The following MILR1 variants were observed in gnomAD, a reference collection of about 807,000 sequenced individuals.
MILR1 encodes the protein mast cell immunoglobulin like receptor 1, also known as allergin-1.
MILR1 carries 31 observed loss-of-function variants against 18.5 expected under a neutral mutation model. The observed-to-expected ratio is 1.68, with a 90% CI of 1.26 to 2.26. The LOEUF is 2.26. Ranked by LOEUF, MILR1 falls within the 30% of genes most tolerant of loss-of-function variation. MILR1 has a pLI of 0.00. For missense variants in MILR1, 257 were observed against 157.4 expected, an observed-to-expected ratio of 1.63 and a Z score of -3.38; for synonymous variants, 85 against 56.2, an observed-to-expected ratio of 1.51 and a Z score of -2.30.
chr17:64,485,685 T>C, the MILR1 span: 6 of 1,511,400 alleles, frequency 4.0e-6, no homozygotes, highest in Non-Finnish European at 5.5e-6. Flanking sequence ...AACAAACCCA[T>C]ATTTTTAGTT....
intron 3 of MILR1, among the ~76,000 whole-genome samples, chr17:64,455,175 A>G (rs9889615): frequency 0.052 from 7,974 of 152,288 alleles, 741 homozygotes; most frequent in African/African-American, 0.18. Context: ...TGCTGCACTC[A>G]GCAATAAGCC....
the MILR1 span, among the ~76,000 whole-genome samples, chr17:64,494,533 T>C: frequency 6.6e-6 from 1 of 152,158 alleles, no homozygotes; most frequent in African/African-American, 2.4e-5. Flanking sequence ...TCCTTCTACA[T>C]TTATTCCATA....
the MILR1 span, chr17:64,491,644 G>T: frequency 6.9e-7 from 1 of 1,440,148 alleles, no homozygotes; most frequent in Non-Finnish European, 9.7e-7. Flanking sequence ...TTTCAAAGAG[G>T]TTACTACTGG....
At chr17:64,489,387 A>G in the MILR1 span, among the ~76,000 whole-genome samples, 1 of 151,922 alleles carries the variant, frequency 6.6e-6, no homozygotes, top group Non-Finnish European at 1.5e-5. Context: ...GGAAGGGGAA[A>G]AAAACACCAT....
At chr17:64,471,397 C>T (rs1473636867), downstream of MILR1, among the ~76,000 whole-genome samples, 10 of 152,094 alleles carry the variant, frequency 6.6e-5, no homozygotes, top group African/African-American at 9.7e-5. Flanking sequence ...CCCCAGAAAG[C>T]GACACCTCCC....
At chr17:64,451,203 G>A (rs894302613) in intron 2 of MILR1, among the ~76,000 whole-genome samples, 1 of 151,800 alleles carries the variant, frequency 6.6e-6, no homozygotes, top group Non-Finnish European at 1.5e-5. Flanking sequence ...GAGTGCAGTG[G>A]TGCGATCTTA....
the MILR1 span, among the ~76,000 whole-genome samples, chr17:64,488,660 T>G: frequency 1.2e-4 from 19 of 152,338 alleles, no homozygotes; most frequent in Non-Finnish European, 2.6e-4. Flanking sequence ...TAAGTTTCAT[T>G]TGAGAGCTGA....
chr17:64,497,179 C>CTCT, the MILR1 span: 1 of 624,972 alleles, frequency 1.6e-6, no homozygotes, highest in East Asian at 2.7e-5. Flanking sequence ...TCGGATGGTT[C>CTCT]TCTGCTAGCT....
chr17:64,491,461 G>C, the MILR1 span: 5 of 1,008,874 alleles, frequency 5.0e-6, no homozygotes, highest in Non-Finnish European at 7.5e-6. Context: ...AGTGAGCTGT[G>C]ATTGTGCAAC....
rs915404948 is a variant in MILR1 at position 64,459,434 on chromosome 17, C to T, written c.653-1388C>T. 4.5e-5 allele frequency among the ~76,000 whole-genome samples: 6 copies of T among 133,756 alleles called. No individual in the cohort carries two copies. In the East Asian group the frequency reaches 1.1e-3, roughly 25 times the overall value. 87.7% of individuals were successfully genotyped at this position (133,756 alleles called of 152,430 possible). On this transcript the variant is annotated intron_variant, in intron 4 of 9. Coordinates refer to ENST00000619286, the MANE Select transcript of MILR1 (RefSeq NM_001085423.2). ...TGCGTAACAGAGCGAGACCCTGTCT[C>T]AAAGAAAAAAGAAAAAGAAAAAGAA...
the MILR1 span, chr17:64,491,376 C>G: frequency 1.8e-6 from 1 of 565,620 alleles, no homozygotes; most frequent in South Asian, 2.0e-5. Context: ...AGGGGGATCA[C>G]TTGAGCTTAG....
At chr17:64,496,455 C>G in the MILR1 span, 2 of 1,596,618 alleles carry the variant, frequency 1.3e-6, no homozygotes, top group Non-Finnish European at 1.7e-6. Flanking sequence ...AATACGTTCT[C>G]AAGAAATGCT....
intron 3 of MILR1, among the ~76,000 whole-genome samples, chr17:64,454,685 G>A (rs926443900): frequency 2.0e-5 from 3 of 152,102 alleles, no homozygotes; most frequent in South Asian, 4.1e-4. Context: ...AGAATGCTAC[G>A]GACTCCAGGT....
chr17:64,493,945 A>C, the MILR1 span, among the ~76,000 whole-genome samples: 4 of 152,196 alleles, frequency 2.6e-5, no homozygotes, highest in Non-Finnish European at 4.4e-5. Flanking sequence ...TAAAAATAAA[A>C]ATATTTCCTA....
chr17:64,495,152 T>C, the MILR1 span, among the ~76,000 whole-genome samples: 2 of 119,230 alleles, frequency 1.7e-5, no homozygotes, highest in Non-Finnish European at 3.2e-5. Context: ...CACTCCAGCC[T>C]GGGCGGCAGA....
At chr17:64,478,077 A>T in the MILR1 span, 1 of 1,374,218 alleles carries the variant, frequency 7.3e-7, no homozygotes, top group Non-Finnish European at 1.0e-6. Flanking sequence ...GTGTTCATGC[A>T]CTCTCAAGAG....
At chr17:64,463,580 G>T (rs2037479770) in intron 5 of MILR1, among the ~76,000 whole-genome samples, 1 of 152,174 alleles carries the variant, frequency 6.6e-6, no homozygotes, top group African/African-American at 2.4e-5. Context: ...TCTCCAGAGA[G>T]TCACAACTCA....
At chr17:64,474,334 CA>C in the MILR1 span, among the ~76,000 whole-genome samples, 3 of 152,202 alleles carry the variant, frequency 2.0e-5, no homozygotes, top group South Asian at 6.2e-4. Flanking sequence ...CTCAGTCTCC[CA>C]AAGTGCTGGG....
At chr17:64,464,905 C>A (rs1173854706) in intron 5 of MILR1, among the ~76,000 whole-genome samples, 113 of 150,392 alleles carry the variant, frequency 7.5e-4, no homozygotes, top group Non-Finnish European at 1.8e-4. Context: ...GCCTGGGCAA[C>A]AGAGCAAGAC....
Sources: gnomAD v4.1 joint callset for allele counts (sites outside exome capture counted in the v4.1 genomes callset) on GRCh38, gnomAD v4.1.1 for gene constraint, MANE v1.5 for transcripts, NCBI Gene and HGNC (gene_info 2026-07-23, HGNC 2026-07-21) for gene names.